Variants in PIK3C2G observed in about 807,000 individuals in gnomAD.
The protein encoded by PIK3C2G is phosphatidylinositol 3-kinase C2 domain-containing subunit gamma.
Under a neutral mutation model 181.1 loss-of-function variants are expected in PIK3C2G, and 168 were observed. The observed-to-expected ratio is 0.93, with a 90% confidence interval of 0.82 to 1.05. The LOEUF (loss-of-function observed/expected upper bound fraction) is 1.05, where lower values mean the gene tolerates loss of function less well. PIK3C2G is among the 50% of genes least tolerant of loss of function. The pLI, the probability that PIK3C2G is intolerant of heterozygous loss-of-function variation, is 0.00. For missense variants in PIK3C2G, 1,869 were observed against 1,732.8 expected, an observed-to-expected ratio of 1.08 and a Z score of -1.40; for synonymous variants, 573 against 592.2, an observed-to-expected ratio of 0.97 and a Z score of 0.47.
At chr12:18,333,634 A>G (rs909445105) in intron 8 of PIK3C2G, among the ~76,000 whole-genome samples, 1 of 152,082 alleles carries the variant, frequency 6.6e-6, no homozygotes, top group Non-Finnish European at 1.5e-5. Flanking sequence ...CCTTTTTTAT[A>G]TTTTAAGCCA....
chr12:18,688,816 A>G, the PIK3C2G span, among the ~76,000 whole-genome samples: 1 of 152,114 alleles, frequency 6.6e-6, no homozygotes, highest in Non-Finnish European at 1.5e-5. Flanking sequence ...CAACAAAACT[A>G]TATTTGAAAT....
the PIK3C2G span, among the ~76,000 whole-genome samples, chr12:18,663,187 T>C: frequency 6.6e-6 from 1 of 152,052 alleles, no homozygotes; most frequent in East Asian, 1.9e-4. Context: ...AACAGGTTCA[T>C]CACTTTTATT....
At position 18,567,058 on chromosome 12, in the gene PIK3C2G, GTATGT is replaced by G. The variant is rs749413914; in HGVS notation, c.4011+5_4011+9del. 5.8e-6 allele frequency: 7 copies of G among 1,216,090 alleles called. No individual in the cohort carries two copies. Among genetic ancestry groups the G allele is most frequent in the Admixed American group, 2.0e-5 (1 of 50,836 alleles). The allele number at this position is 1,216,090 out of a possible 1,614,324, so 75.3% of individuals were successfully genotyped here. On this transcript the variant is annotated splice_donor_variant and splice_donor_5th_base_variant and intron_variant, in intron 29 of 32. Coordinates refer to ENST00000538779, the MANE Select transcript of PIK3C2G (RefSeq NM_001288772.2). LOFTEE classifies it high-confidence loss of function. The stretch of plus-strand genomic sequence containing the variant: ...AAATGTATCACATGAAGTTACAAAC[GTATGT>G]TATAATTAATTTTTCTATTTTTACA...
At chr12:18,693,419 G>A in the PIK3C2G span, 3 of 1,604,388 alleles carry the variant, frequency 1.9e-6, no homozygotes, top group Non-Finnish European at 1.7e-6. Flanking sequence ...ATGAAGAGAT[G>A]GGTATAAAGC....
the PIK3C2G span, chr12:18,712,878 T>G: frequency 6.2e-7 from 1 of 1,613,938 alleles, no homozygotes; most frequent in East Asian, 2.2e-5. Context: ...GGATAACAGT[T>G]TTAAACAGAA....
chr12:18,556,673 C>T (rs1345460607), intron 26 of PIK3C2G, among the ~76,000 whole-genome samples: 1 of 152,106 alleles, frequency 6.6e-6, no homozygotes, highest in East Asian at 1.9e-4. Context: ...GGTAGAGTCT[C>T]CATAAATCAT....
At chr12:18,311,837 C>A (rs567570323) in intron 5 of PIK3C2G, among the ~76,000 whole-genome samples, 1 of 152,026 alleles carries the variant, frequency 6.6e-6, no homozygotes, top group African/African-American at 2.4e-5. Context: ...AATAGGCCAT[C>A]TGCAAGCTAA....
chr12:18,393,008 G>A (rs372086278), intron 15 of PIK3C2G, among the ~76,000 whole-genome samples: 13 of 152,094 alleles, frequency 8.5e-5, no homozygotes, highest in African/African-American at 2.6e-4. Context: ...ATGTAAAACC[G>A]TGTGTTCAAC....
intron 1 of PIK3C2G, among the ~76,000 whole-genome samples, chr12:18,262,792 A>G (rs944585061): frequency 3.3e-5 from 5 of 152,126 alleles, no homozygotes; most frequent in South Asian, 2.1e-4. Context: ...GCCCTCTTCA[A>G]GTAAGCAAAA....
rs528632875 is a variant in PIK3C2G at position 18,248,212 on chromosome 12, C to T, written c.-79+130C>T. Reference sequence around the variant, plus strand: ...ACCTAGAAATTTGTAAATTCTCTCCCTCTCTTCTCCTTAAACCAATTTGCA... The same window carrying T: ...ACCTAGAAATTTGTAAATTCTCTCCTTCTCTTCTCCTTAAACCAATTTGCA... On this transcript the variant is annotated intron_variant, in intron 1 of 11. Coordinates refer to the PIK3C2G transcript ENST00000535651. 5 of 152,260 alleles carry T rather than the reference C, an allele frequency of 3.3e-5. No homozygotes were observed. The East Asian group carries it at 9.7e-4, about 29-fold the overall frequency. 9.4% of individuals were successfully genotyped at this position (152,260 alleles called of 1,614,324 possible).
chr12:18,434,079 C>T (rs1248014451), intron 18 of PIK3C2G, among the ~76,000 whole-genome samples: 1 of 152,162 alleles, frequency 6.6e-6, no homozygotes, highest in African/African-American at 2.4e-5. Flanking sequence ...AATCCAAGAT[C>T]AAGATGCTAG....
intron 13 of PIK3C2G, among the ~76,000 whole-genome samples, chr12:18,379,657 GCC>G (rs1942699770): frequency 6.6e-6 from 1 of 152,130 alleles, no homozygotes; most frequent in South Asian, 2.1e-4. Flanking sequence ...CCAAATGAAA[GCC>G]CCTTTTTAAG....
rs764627834 is a variant in PIK3C2G at position 18,488,598 on chromosome 12, G to C, written c.2654G>C (p.Arg885Thr). ...LIKILGDIGE[R>T]VKSASDHQRQ... Reference sequence around the variant, plus strand: ...AAAATTCTGGGAGATATTGGGGAAAGAGTCAAGTCTGCCAGTGACCATCAA... The same window carrying C: ...AAAATTCTGGGAGATATTGGGGAAACAGTCAAGTCTGCCAGTGACCATCAA... The change falls in exon 19 of 33, where the codon AGA (arginine) becomes ACA (threonine). Residue 885 changes from arginine (R) to threonine (T), a missense_variant. Transcript: ENST00000538779. 6.4e-7 allele frequency: 1 copy of C among 1,561,826 alleles called. No individual in the cohort carries two copies. Among genetic ancestry groups the C allele is most frequent in the Non-Finnish European group, 8.7e-7 (1 of 1,155,216 alleles).
intron 5 of PIK3C2G, among the ~76,000 whole-genome samples, chr12:18,300,485 C>G (rs1021846996): frequency 5.3e-5 from 8 of 151,964 alleles, no homozygotes; most frequent in Non-Finnish European, 1.2e-4. Flanking sequence ...CTTTACATCC[C>G]TTCACTTTCA....
chr12:18,556,645 G>A (rs184182007), intron 26 of PIK3C2G, among the ~76,000 whole-genome samples: 7 of 152,182 alleles, frequency 4.6e-5, no homozygotes, highest in East Asian at 1.9e-4. Flanking sequence ...TTGTTGGATC[G>A]ATGTTCAATG....
intron 22 of PIK3C2G, among the ~76,000 whole-genome samples, chr12:18,502,436 A>G (rs530100129): frequency 1.8e-4 from 27 of 152,308 alleles, no homozygotes; most frequent in African/African-American, 5.5e-4. Context: ...GCAATTGTCG[A>G]GACTATGGAA....
intron 15 of PIK3C2G, among the ~76,000 whole-genome samples, chr12:18,394,578 TG>T (rs1427681463): frequency 6.6e-6 from 1 of 151,968 alleles, no homozygotes; most frequent in Non-Finnish European, 1.5e-5. Flanking sequence ...TTTAAAAAGA[TG>T]TATATGAATG....
At chr12:18,452,005 T>C (rs1469483512) in intron 18 of PIK3C2G, among the ~76,000 whole-genome samples, 1 of 152,232 alleles carries the variant, frequency 6.6e-6, no homozygotes, top group African/African-American at 2.4e-5. Context: ...ACATTGACGT[T>C]CATCAGGGAT....
At chr12:18,580,146 G>A (rs11044203) in intron 29 of PIK3C2G, among the ~76,000 whole-genome samples, 12,356 of 146,090 alleles carry the variant, frequency 0.085, 713 homozygotes, top group Non-Finnish European at 0.13. Flanking sequence ...AAAAAAAAAA[G>A]AGAGAGAGAG....
Sources: gnomAD v4.1 joint callset for allele counts (sites outside exome capture counted in the v4.1 genomes callset) on GRCh38, gnomAD v4.1.1 for gene constraint, MANE v1.5 for transcripts, NCBI Gene and HGNC (gene_info 2026-07-23, HGNC 2026-07-21) for gene names.